DNAH9: variants seen among roughly 807,000 people sequenced by gnomAD.
DNAH9 encodes the protein dynein axonemal heavy chain 9.
A neutral mutation model predicts 471.6 loss-of-function variants in DNAH9; 345 were observed. That is an observed-to-expected ratio of 0.73 (90% CI 0.67 to 0.80). The LOEUF (loss-of-function observed/expected upper bound fraction) is 0.80, where lower values mean the gene tolerates loss of function less well. Among genes scored for constraint, DNAH9 ranks in the 30% least tolerant of loss-of-function variants. DNAH9 has a pLI of 0.00. For synonymous variants in DNAH9, 2,093 were observed against 2,123.6 expected, an observed-to-expected ratio of 0.99 and a Z score of 0.40; for missense variants, 5,407 against 5,609.2, an observed-to-expected ratio of 0.96 and a Z score of 1.15.
chr17:11,619,440 TATCCTCGTGAAAAATATTACTGGG>T lies in DNAH9; in HGVS notation c.1117-107_1117-84del, dbSNP rs1403845673. On this transcript the variant is annotated intron_variant, in intron 5 of 68. Coordinates refer to ENST00000262442, the MANE Select transcript of DNAH9 (RefSeq NM_001372.4). ...AAGCGAGGTCAGATGTTTCCTCTAT[TATCCTCGTGAAAAATATTACTGGG>T]GCAATGATTCAGTTCAGAGTTGGTG... is the stretch of plus-strand genomic sequence containing the variant. 3.1e-5 allele frequency: 23 copies of T among 730,666 alleles called. No homozygotes were observed. In the Admixed American group the frequency reaches 4.8e-4, roughly 15 times the overall value. 45.3% of individuals were successfully genotyped at this position (730,666 alleles called of 1,614,324 possible).
intron 11 of DNAH9, among the ~76,000 whole-genome samples, chr17:11,645,596 G>A (rs1243857734): frequency 1.3e-5 from 2 of 152,142 alleles, no homozygotes; most frequent in Non-Finnish European, 2.9e-5. Context: ...CCTTGAGGTG[G>A]TTTTTGCCTC....
At chr17:11,751,580 C>A (rs1437196815) in intron 32 of DNAH9, among the ~76,000 whole-genome samples, 2 of 151,636 alleles carry the variant, frequency 1.3e-5, no homozygotes, top group African/African-American at 4.8e-5. Context: ...AGAAGGAAAC[C>A]CCTAAAATAT....
intron 44 of DNAH9, among the ~76,000 whole-genome samples, chr17:11,808,606 G>A (rs113811824): frequency 0.015 from 2,246 of 152,268 alleles, 22 homozygotes; most frequent in Non-Finnish European, 0.02. Context: ...GCCTCTCGAC[G>A]ACTGGCTGAA....
chr17:11,778,212 A>T (rs1968517707), intron 38 of DNAH9, among the ~76,000 whole-genome samples: 1 of 151,388 alleles, frequency 6.6e-6, no homozygotes, highest in Non-Finnish European at 1.5e-5. Context: ...ATCAGAAACA[A>T]CTACTCGGGA....
Position 11,730,589 on chromosome 17 carries a change from A to G in DNAH9, c.5814+2667A>G, listed in dbSNP as rs372071990. On this transcript the variant is annotated intron_variant, in intron 28 of 68. Transcript: ENST00000262442. ...TAGCTGTGTGACCTTGAGCATATCC[A>G]TGTCTCAAGGTCCACATCTGTAAAG... 2.9e-4 allele frequency among the ~76,000 whole-genome samples: 44 copies of G among 152,294 alleles called. No homozygotes were observed. The South Asian group carries it at 5.2e-3, about 18-fold the overall frequency.
chr17:11,699,224 G>A (rs1484401615), intron 22 of DNAH9, among the ~76,000 whole-genome samples: 1 of 152,126 alleles, frequency 6.6e-6, no homozygotes. Flanking sequence ...ACTCCAGCCT[G>A]GGCGACAGAG....
chr17:11,700,669 T>C (rs1013659062), intron 23 of DNAH9, among the ~76,000 whole-genome samples: 9 of 152,152 alleles, frequency 5.9e-5, no homozygotes, highest in African/African-American at 1.9e-4. Context: ...GCTTCTCAGT[T>C]ATATGAGGGT....
chr17:11,872,044 G>T lies in DNAH9; in HGVS notation c.10242+258G>T, dbSNP rs146708930. On this transcript the variant is annotated intron_variant, in intron 52 of 68. Coordinates refer to ENST00000262442, the MANE Select transcript of DNAH9 (RefSeq NM_001372.4). Reference sequence around the variant, plus strand: ...TGGGAACACTAGTCCTCTTCCCCGCGGGCTGTCTCCTAGCAATCCTTAAAG... The same window carrying T: ...TGGGAACACTAGTCCTCTTCCCCGCTGGCTGTCTCCTAGCAATCCTTAAAG... Among the ~76,000 whole-genome samples, 379 of 152,124 alleles carry T rather than the reference G, an allele frequency of 2.5e-3. 1 individual carries two copies. The highest frequency in any genetic ancestry group is 8.4e-3 in the African/African-American group (349 of 41,480).
chr17:11,965,287 C>A (rs113646881), intron 68 of DNAH9, among the ~76,000 whole-genome samples: 4 of 152,318 alleles, frequency 2.6e-5, no homozygotes, highest in African/African-American at 9.6e-5. Flanking sequence ...TGGCTAAGCA[C>A]TGAAGGTGTG....
rs141215659 is a variant in DNAH9 at position 11,783,014 on chromosome 17, A to G, written c.7719-632A>G. Among the ~76,000 whole-genome samples, 94 of 152,278 alleles carry G rather than the reference A, an allele frequency of 6.2e-4. 1 individual carries two copies. In the East Asian group the frequency reaches 0.011, roughly 18 times the overall value. ...TCTCCCACTCACTCCTCAATCCACT[A>G]TTATTTGATTTCTGTTCCCTCCACT... is the stretch of plus-strand genomic sequence containing the variant. On this transcript the variant is annotated intron_variant, in intron 39 of 68. Coordinates refer to ENST00000262442, the MANE Select transcript of DNAH9 (RefSeq NM_001372.4).
intron 30 of DNAH9, among the ~76,000 whole-genome samples, chr17:11,744,391 T>C (rs935181418): frequency 3.9e-5 from 6 of 152,132 alleles, no homozygotes; most frequent in African/African-American, 1.2e-4. Flanking sequence ...TTTAAACCTC[T>C]TTTCCCATAG....
intron 36 of DNAH9, among the ~76,000 whole-genome samples, chr17:11,765,962 C>T (rs1360082038): frequency 6.6e-6 from 1 of 152,130 alleles, no homozygotes; most frequent in Non-Finnish European, 1.5e-5. Flanking sequence ...ATTTTTCTAA[C>T]TCTGGGTATA....
At position 11,613,773 on chromosome 17, in the gene DNAH9, C is replaced by T. The variant is rs561420847; in HGVS notation, c.904+1993C>T. Reference sequence around the variant, plus strand: ...ATATGAAGTAAGCAATAGAGTGCTACAGATTATACATATGTAGAACACATA... The same window carrying T: ...ATATGAAGTAAGCAATAGAGTGCTATAGATTATACATATGTAGAACACATA... On this transcript the variant is annotated intron_variant, in intron 4 of 68. Transcript: ENST00000262442. Among the ~76,000 whole-genome samples the T allele has an allele frequency of 8.5e-5, 13 of 152,178 alleles. 1 individual carries two copies. The highest frequency in any genetic ancestry group is 3.1e-4 in the African/African-American group (13 of 41,512).
chr17:11,640,385 G>T lies in DNAH9; in HGVS notation c.1901+1G>T, dbSNP rs953946888. The T allele has an allele frequency of 6.3e-7, 1 of 1,582,542 alleles. No homozygotes were observed. The highest frequency in any genetic ancestry group is 2.2e-5 in the East Asian group (1 of 44,708). ...GCAACTTTGGACGCATCACACACCC[G>T]TGAGTATTGTGTTCCTGAAAGACAG... On this transcript the variant is annotated splice_donor_variant, in intron 10 of 68. Transcript: ENST00000262442. LOFTEE classifies it high-confidence loss of function.
chr17:11,907,624 A>G (rs2151017189), intron 61 of DNAH9, among the ~76,000 whole-genome samples: 1 of 152,222 alleles, frequency 6.6e-6, no homozygotes, highest in East Asian at 1.9e-4. Flanking sequence ...TGGGAGGCTT[A>G]GGATTTTATT....
chr17:11,766,545 T>C (rs542407028), intron 36 of DNAH9, among the ~76,000 whole-genome samples: 1 of 152,274 alleles, frequency 6.6e-6, no homozygotes, highest in East Asian at 1.9e-4. Context: ...TACCACAGTA[T>C]GCCAGTAAAG....
intron 61 of DNAH9, among the ~76,000 whole-genome samples, chr17:11,911,683 A>G (rs971770011): frequency 6.6e-6 from 1 of 152,200 alleles, no homozygotes; most frequent in African/African-American, 2.4e-5. Context: ...AGAGAGTATT[A>G]CCATCTTAAC....
chr17:11,869,056 T>G (rs527670093), intron 50 of DNAH9, 78 bp from the exon 51 acceptor site: 7 of 1,547,712 alleles, frequency 4.5e-6, no homozygotes, highest in Non-Finnish European at 6.1e-6. Flanking sequence ...ACCACCTCCA[T>G]GTGAACCCTC....
intron 17 of DNAH9, among the ~76,000 whole-genome samples, chr17:11,675,820 A>G (rs762017446): frequency 6.6e-6 from 1 of 151,868 alleles, no homozygotes; most frequent in Non-Finnish European, 1.5e-5. Context: ...TCTCTGGCTT[A>G]TTGTGTTTGC....
Sources: allele counts gnomAD v4.1 joint callset (sites outside exome capture counted in the v4.1 genomes callset), GRCh38; gene constraint gnomAD v4.1.1; transcripts MANE v1.5; gene names NCBI Gene and HGNC (gene_info 2026-07-23, HGNC 2026-07-21).